The following GPM6A variants were observed in gnomAD, a reference collection of about 807,000 sequenced individuals.
GPM6A encodes the protein glycoprotein M6A.
A neutral mutation model predicts 32.1 loss-of-function variants in GPM6A; 7 were observed. The ratio of observed to expected loss-of-function variants is 0.22; its 90% CI spans 0.12 to 0.41. The LOEUF (loss-of-function observed/expected upper bound fraction) is 0.41. Among genes scored for constraint, GPM6A ranks in the 10% least tolerant of loss-of-function variants. The pLI is 1.00. For missense variants in GPM6A, 235 were observed against 347.2 expected (o/e 0.68, Z 2.57); for synonymous variants, 130 against 123.4 (o/e 1.05, Z -0.35).
chr4:175,650,008 T>C (rs1039143204), intron 4 of GPM6A, among the ~76,000 whole-genome samples: 1 of 152,152 alleles, frequency 6.6e-6, no homozygotes, highest in Non-Finnish European at 1.5e-5. Flanking sequence ...CACGGCCTTC[T>C]AAGCAGCTGT....
chr4:175,944,988 A>G (rs747366177), intron 1 of GPM6A, among the ~76,000 whole-genome samples: 5 of 152,138 alleles, frequency 3.3e-5, no homozygotes, highest in Non-Finnish European at 7.4e-5. Flanking sequence ...AAGTGGTATG[A>G]GAAATAATTA....
At position 175,701,590 on chromosome 4, in the gene GPM6A, A is replaced by G. The variant is rs748458884; in HGVS notation, c.215T>C (p.Leu72Pro). 2 of 1,612,870 alleles carry G rather than the reference A, an allele frequency of 1.2e-6. No homozygotes were observed. The highest frequency in any genetic ancestry group is 1.7e-6 in the Non-Finnish European group (2 of 1,178,892). The change falls in exon 2 of 7, where the codon CTG (leucine) becomes CCG (proline). Residue 72 changes from leucine (L) to proline (P), a missense_variant. Coordinates refer to ENST00000393658, the MANE Select transcript of GPM6A (RefSeq NM_201591.3). ...AGTGACTTACATGGTAAAAACATCC[A>G]GTGTGTCTCCAGCAGTTCTTGCCAT... ...FEMARTAGDT[L>P]DVFTMIDIFK...
intron 1 of GPM6A, among the ~76,000 whole-genome samples, chr4:175,810,713 A>G (rs1279213277): frequency 6.6e-6 from 1 of 152,214 alleles, no homozygotes; most frequent in Non-Finnish European, 1.5e-5. Flanking sequence ...TGATCGGCCA[A>G]TAAGTATCAT....
intron 1 of GPM6A, among the ~76,000 whole-genome samples, chr4:175,976,624 A>G (rs1021590095): frequency 1.3e-5 from 2 of 152,214 alleles, no homozygotes; most frequent in Admixed American, 1.3e-4. Context: ...TACAACAAAG[A>G]GGGCAAAGTG....
intron 1 of GPM6A, among the ~76,000 whole-genome samples, chr4:175,728,482 C>T (rs762220220): frequency 6.6e-6 from 1 of 152,116 alleles, no homozygotes. Context: ...TTTACTTTCC[C>T]ATCATGCCAG....
chr4:175,762,502 C>T (rs1732788815), intron 1 of GPM6A, among the ~76,000 whole-genome samples: 1 of 152,000 alleles, frequency 6.6e-6, no homozygotes, highest in African/African-American at 2.4e-5. Context: ...TCGAGTATTG[C>T]TATGTTTAGT....
intron 1 of GPM6A, among the ~76,000 whole-genome samples, chr4:175,981,360 A>C (rs1043548360): frequency 6.6e-6 from 1 of 152,194 alleles, no homozygotes; most frequent in Admixed American, 6.5e-5. Flanking sequence ...ATTGTAATTG[A>C]GAGATAGAAC....
chr4:175,644,129 T>TG (rs971463241), intron 4 of GPM6A, among the ~76,000 whole-genome samples: 2 of 148,700 alleles, frequency 1.3e-5, no homozygotes, highest in East Asian at 2.0e-4. Flanking sequence ...TTGTTTTTTT[T>TG]TTTTTTTTTT....
chr4:175,757,684 T>C (rs965917649), intron 1 of GPM6A, among the ~76,000 whole-genome samples: 3 of 152,070 alleles, frequency 2.0e-5, no homozygotes, highest in Non-Finnish European at 2.9e-5. Context: ...TTTTAAGACT[T>C]AATTTTAAAG....
At chr4:175,699,579 A>G (rs1028656014) in intron 2 of GPM6A, among the ~76,000 whole-genome samples, 2 of 152,314 alleles carry the variant, frequency 1.3e-5, no homozygotes, top group South Asian at 2.1e-4. Flanking sequence ...GTTATGGACT[A>G]TATTTTTATA....
chr4:175,857,608 G>A lies in GPM6A; in HGVS notation c.-22-45359C>T, dbSNP rs986662462. Among the ~76,000 whole-genome samples the A allele has an allele frequency of 7.2e-5, 11 of 152,206 alleles. No individual in the cohort carries two copies. In the East Asian group the frequency reaches 1.5e-3, roughly 21 times the overall value. Reference sequence around the variant, plus strand: ...TCAGTAATAACATTAGATGCACGTGGTCTGAATTCCGTAATACTTTCAGGA... The same window carrying A: ...TCAGTAATAACATTAGATGCACGTGATCTGAATTCCGTAATACTTTCAGGA... On this transcript the variant is annotated intron_variant, in intron 1 of 7. Coordinates refer to the GPM6A transcript ENST00000280187.
chr4:175,685,678 G>A (rs1399832718), intron 2 of GPM6A, among the ~76,000 whole-genome samples: 2 of 152,112 alleles, frequency 1.3e-5, no homozygotes, highest in African/African-American at 4.8e-5. Flanking sequence ...TTAGAACAAT[G>A]GTTTAAGCAG....
At chr4:175,783,986 C>A (rs1286635896) in intron 1 of GPM6A, among the ~76,000 whole-genome samples, 1 of 151,930 alleles carries the variant, frequency 6.6e-6, no homozygotes. Context: ...ATAGTATAGA[C>A]AGAATGTCTC....
At chr4:175,726,865 G>A (rs2111130396) in intron 1 of GPM6A, among the ~76,000 whole-genome samples, 1 of 152,072 alleles carries the variant, frequency 6.6e-6, no homozygotes, top group East Asian at 1.9e-4. Context: ...GTGTGTTGAT[G>A]TGCACCTGTA....
At chr4:175,790,128 A>G (rs1733955057) in intron 1 of GPM6A, among the ~76,000 whole-genome samples, 2 of 152,190 alleles carry the variant, frequency 1.3e-5, no homozygotes, top group Non-Finnish European at 2.9e-5. Flanking sequence ...TAAATGTGTA[A>G]TAGCACATTC....
At chr4:175,812,886 G>C, upstream of GPM6A, 1 of 985,134 alleles carries the variant, frequency 1.0e-6, no homozygotes, top group South Asian at 4.7e-5. Flanking sequence ...AAGGTGCCAA[G>C]AAAGGATGCA....
At chr4:175,914,742 G>GC (rs1444075420) in intron 1 of GPM6A, among the ~76,000 whole-genome samples, 4 of 152,100 alleles carry the variant, frequency 2.6e-5, no homozygotes, top group African/African-American at 4.8e-5. Context: ...CAGAGCGAGG[G>GC]GGGGCCACTT....
intron 1 of GPM6A, among the ~76,000 whole-genome samples, chr4:175,990,971 C>T (rs2126459763): frequency 6.6e-6 from 1 of 152,132 alleles, no homozygotes; most frequent in Non-Finnish European, 1.5e-5. Flanking sequence ...TTAATAGTTG[C>T]TCTGCCTTTT....
At chr4:175,987,530 G>T (rs1355753405) in intron 1 of GPM6A, among the ~76,000 whole-genome samples, 3 of 145,280 alleles carry the variant, frequency 2.1e-5, no homozygotes, top group African/African-American at 8.1e-5. Flanking sequence ...GTGTTTGTGT[G>T]TGTGTGTGTG....
Sources: allele counts gnomAD v4.1 joint callset (sites outside exome capture counted in the v4.1 genomes callset), GRCh38; gene constraint gnomAD v4.1.1; transcripts MANE v1.5; gene names NCBI Gene and HGNC (gene_info 2026-07-23, HGNC 2026-07-21).